Variants in SND1 observed in about 807,000 individuals in gnomAD.
SND1 encodes the protein staphylococcal nuclease domain-containing protein 1.
A neutral mutation model predicts 121.7 loss-of-function variants in SND1; 38 were observed. That is an observed-to-expected ratio of 0.31 (90% CI 0.24 to 0.41). SND1 has a LOEUF of 0.41. SND1 is among the 10% of genes least tolerant of loss of function. The probability of loss-of-function intolerance (pLI) is 1.00; values close to 1 mark genes in which losing one functional copy is unlikely to be tolerated. For synonymous variants in SND1, 401 were observed against 447.4 expected, an observed-to-expected ratio of 0.90 and a Z score of 1.31; for missense variants, 868 against 1,184.6, an observed-to-expected ratio of 0.73 and a Z score of 3.92.
At chr7:127,940,168 G>A (rs1340858001) in intron 15 of SND1, among the ~76,000 whole-genome samples, 1 of 152,064 alleles carries the variant, frequency 6.6e-6, no homozygotes, top group Non-Finnish European at 1.5e-5. Context: ...GGGATGGAAT[G>A]GGAAACTTCC....
At chr7:127,943,268 A>T (rs1156672920) in intron 15 of SND1, among the ~76,000 whole-genome samples, 1 of 152,204 alleles carries the variant, frequency 6.6e-6, no homozygotes, top group Non-Finnish European at 1.5e-5. Flanking sequence ...AGCACATCAG[A>T]GCTCCAAGTG....
intron 12 of SND1, among the ~76,000 whole-genome samples, chr7:127,882,342 C>G (rs1368253235): frequency 6.9e-6 from 1 of 145,434 alleles, no homozygotes; most frequent in East Asian, 2.1e-4. Flanking sequence ...GGTGTCAGAG[C>G]CCCATAGGAG....
At chr7:127,657,168 T>A (rs1795226127) in intron 1 of SND1, among the ~76,000 whole-genome samples, 1 of 152,226 alleles carries the variant, frequency 6.6e-6, no homozygotes, top group Non-Finnish European at 1.5e-5. Flanking sequence ...TCTGTCAAGC[T>A]CTGGGCATTG....
intron 16 of SND1, among the ~76,000 whole-genome samples, chr7:128,046,803 T>C (rs1451253220): frequency 6.6e-6 from 1 of 152,208 alleles, no homozygotes; most frequent in Non-Finnish European, 1.5e-5. Context: ...CTATTTCCTT[T>C]GAATATGAAT....
chr7:128,054,538 T>C (rs1278962513), intron 16 of SND1, among the ~76,000 whole-genome samples: 1 of 152,220 alleles, frequency 6.6e-6, no homozygotes, highest in Non-Finnish European at 1.5e-5. Flanking sequence ...GCACGGAGGT[T>C]GGCATTAGCA....
intron 16 of SND1, among the ~76,000 whole-genome samples, chr7:128,061,221 C>T (rs1476959350): frequency 6.6e-6 from 1 of 152,194 alleles, no homozygotes. Flanking sequence ...AACCCTGGCT[C>T]CTGTCAAGCA....
intron 16 of SND1, among the ~76,000 whole-genome samples, chr7:128,026,288 G>C (rs948933334): frequency 2.0e-5 from 3 of 152,304 alleles, no homozygotes; most frequent in African/African-American, 4.8e-5. Flanking sequence ...TTGGTGCCTA[G>C]AACTGTGAGT....
chr7:127,787,824 A>G (rs1379601994), intron 10 of SND1, among the ~76,000 whole-genome samples: 1 of 152,178 alleles, frequency 6.6e-6, no homozygotes. Flanking sequence ...TAAGGTTTTC[A>G]AGTCATGCCA....
At chr7:127,889,657 A>G (rs558529991) in intron 13 of SND1, among the ~76,000 whole-genome samples, 2 of 150,570 alleles carry the variant, frequency 1.3e-5, no homozygotes, top group African/African-American at 4.9e-5. Context: ...ATCCATCCCT[A>G]CCTCTCCTCC....
chr7:128,090,808 C>A (rs1562896247), intron 22 of SND1, among the ~76,000 whole-genome samples: 1 of 152,150 alleles, frequency 6.6e-6, no homozygotes, highest in Non-Finnish European at 1.5e-5. Flanking sequence ...TCAAGAGAAG[C>A]CCGACCCCTA....
At chr7:127,658,306 CTG>C (rs1322997688) in intron 1 of SND1, among the ~76,000 whole-genome samples, 3 of 152,038 alleles carry the variant, frequency 2.0e-5, no homozygotes, top group African/African-American at 4.8e-5. Flanking sequence ...CAGAGTGAGA[CTG>C]TGTCTCAAAA....
intron 16 of SND1, among the ~76,000 whole-genome samples, chr7:128,064,087 G>A (rs1374677906): frequency 6.6e-6 from 1 of 151,958 alleles, no homozygotes; most frequent in Admixed American, 6.6e-5. Flanking sequence ...CTTACTATTC[G>A]CCAGACTCTC....
chr7:128,020,298 A>G (rs7805021), intron 16 of SND1, among the ~76,000 whole-genome samples: 31,890 of 152,200 alleles, frequency 0.21, 3,721 homozygotes, highest in Middle Eastern at 0.31. Flanking sequence ...AGGGAACTAT[A>G]AAGGATTGCA....
At chr7:127,852,236 T>G (rs530929445) in intron 12 of SND1, among the ~76,000 whole-genome samples, 6 of 151,864 alleles carry the variant, frequency 4.0e-5, no homozygotes, top group Non-Finnish European at 8.8e-5. Flanking sequence ...GGCTCACGTC[T>G]GTAATCCCAG....
chr7:127,861,351 A>T (rs1308979379), intron 12 of SND1, among the ~76,000 whole-genome samples: 1 of 152,134 alleles, frequency 6.6e-6, no homozygotes, highest in Non-Finnish European at 1.5e-5. Flanking sequence ...GATCCTTTGA[A>T]TTGGGACTAT....
At chr7:127,963,299 A>C (rs1801776414) in intron 15 of SND1, among the ~76,000 whole-genome samples, 1 of 146,600 alleles carries the variant, frequency 6.8e-6, no homozygotes, top group Non-Finnish European at 1.5e-5. Flanking sequence ...ACATGTGCAC[A>C]TTGTGCAGGT....
At chr7:127,690,577 T>A (rs1795895524) in intron 2 of SND1, among the ~76,000 whole-genome samples, 1 of 152,256 alleles carries the variant, frequency 6.6e-6, no homozygotes, top group Non-Finnish European at 1.5e-5. Flanking sequence ...CGTTTATATA[T>A]CTTTCTCTAC....
At chr7:127,939,109 G>A (rs539642759) in intron 15 of SND1, among the ~76,000 whole-genome samples, 171 of 152,314 alleles carry the variant, frequency 1.1e-3, no homozygotes, top group African/African-American at 3.8e-3. Flanking sequence ...ATATGTAACT[G>A]CTGTCAAAAA....
At chr7:128,079,735 C>T (rs1793566055) in intron 17 of SND1, among the ~76,000 whole-genome samples, 1 of 152,254 alleles carries the variant, frequency 6.6e-6, no homozygotes, top group Admixed American at 6.5e-5. Flanking sequence ...CTGCTGTGTC[C>T]TGAAGCTCCT....
Sources: allele counts gnomAD v4.1 joint callset (sites outside exome capture counted in the v4.1 genomes callset), GRCh38; gene constraint gnomAD v4.1.1; transcripts MANE v1.5; gene names NCBI Gene and HGNC (gene_info 2026-07-23, HGNC 2026-07-21).